Variants in CLSTN1 observed in about 807,000 individuals in gnomAD.
CLSTN1 encodes the protein calsyntenin 1, also known as calsyntenin-1.
CLSTN1 carries 28 observed loss-of-function variants against 108.3 expected under a neutral mutation model. The ratio of observed to expected loss-of-function variants is 0.26; its 90% CI spans 0.19 to 0.35. CLSTN1 has a LOEUF of 0.35. Ranked by LOEUF, CLSTN1 falls within the 10% of genes least tolerant of loss-of-function variation. CLSTN1 has a pLI of 1.00. For missense variants in CLSTN1, 1,157 were observed against 1,302.6 expected (o/e 0.89, Z 1.72); for synonymous variants, 524 against 534.9 (o/e 0.98, Z 0.28).
chr1:9,754,156 G>A (rs889502131), intron 4 of CLSTN1, among the ~76,000 whole-genome samples: 15 of 152,316 alleles, frequency 9.8e-5, no homozygotes, highest in Admixed American at 2.6e-4. Flanking sequence ...AGATAAATAT[G>A]ACAACAAAAT....
At position 9,751,663 on chromosome 1, in the gene CLSTN1, C is replaced by T. The variant is rs1270729014; in HGVS notation, c.459G>A (p.Gln153=). ...GCGCGTACTCATTCACGTCGTTCAC[C>T]TGAATATGAACAGTTGCTCTGGACA... ...KKSHKATVHI[Q]VNDVNEYAPV... The change falls in exon 5 of 19, where the codon CAG becomes CAA. Residue 153 remains glutamine (Q), a synonymous_variant. Coordinates refer to ENST00000377298, the MANE Select transcript of CLSTN1 (RefSeq NM_001009566.3). 6.2e-7 allele frequency: 1 copy of T among 1,613,980 alleles called. No individual in the cohort carries two copies. Among genetic ancestry groups the T allele is most frequent in the African/African-American group, 1.3e-5 (1 of 74,884 alleles).
At chr1:9,732,232 G>A (rs545784026) in intron 16 of CLSTN1, among the ~76,000 whole-genome samples, 1 of 152,168 alleles carries the variant, frequency 6.6e-6, no homozygotes, top group East Asian at 1.9e-4. Context: ...GTGTTGCCCG[G>A]GCTGGAGCGC....
Position 9,730,482 on chromosome 1 carries a change from G to A in CLSTN1, c.*26C>T. 6.3e-7 allele frequency: 1 copy of A among 1,595,146 alleles called. No individual in the cohort carries two copies. Among genetic ancestry groups the A allele is most frequent in the South Asian group, 1.1e-5 (1 of 90,932 alleles). On this transcript the variant is annotated 3_prime_UTR_variant, in exon 19 of 19. Transcript: ENST00000377298. This position sits in a 1 kb window ranked among gnomAD's most constrained non-coding sequence, Gnocchi z 5.6. ...GATGGCAGCAGAGTCTTCGAAAGCA[G>A]AAACCGAGGTGGCCGGGGGCACGGG...
At chr1:9,812,085 C>T (rs571578733) in intron 1 of CLSTN1, among the ~76,000 whole-genome samples, 1 of 152,014 alleles carries the variant, frequency 6.6e-6, no homozygotes, top group East Asian at 1.9e-4. Context: ...TGCAGTGAGC[C>T]GAGATCGCAC....
At chr1:9,814,995 T>A in intron 1 of CLSTN1, among the ~76,000 whole-genome samples, 1 of 152,224 alleles carries the variant, frequency 6.6e-6, no homozygotes, top group East Asian at 1.9e-4. Context: ...TAAGCCCTGC[T>A]CCTGGAACCA....
At chr1:9,798,454 G>C (rs181600195) in intron 1 of CLSTN1, among the ~76,000 whole-genome samples, 14 of 152,282 alleles carry the variant, frequency 9.2e-5, no homozygotes, top group Admixed American at 3.3e-4. Context: ...ATGAAACTCA[G>C]AACATTCAGC....
intron 1 of CLSTN1, among the ~76,000 whole-genome samples, chr1:9,807,208 T>C (rs1570517825): frequency 6.6e-6 from 1 of 152,118 alleles, no homozygotes; most frequent in African/African-American, 2.4e-5. Context: ...CAAGCTTACA[T>C]GACCGAGACC....
chr1:9,781,434 T>TCA (rs1197161625), intron 1 of CLSTN1, among the ~76,000 whole-genome samples: 3 of 152,070 alleles, frequency 2.0e-5, no homozygotes, highest in Admixed American at 6.6e-5. Flanking sequence ...TGTGTTTACA[T>TCA]CACATCTTAT....
At chr1:9,748,156 T>C (rs546862988) in intron 7 of CLSTN1, among the ~76,000 whole-genome samples, 1 of 152,318 alleles carries the variant, frequency 6.6e-6, no homozygotes, top group African/African-American at 2.4e-5. Context: ...CAAAAGCTTT[T>C]TGAAACACAA....
In CLSTN1 at chr1:9,730,809, C is replaced by T; in HGVS notation, c.2749-104G>A. The T allele has an allele frequency of 1.8e-6, 2 of 1,090,372 alleles. No individual in the cohort carries two copies. Among genetic ancestry groups the T allele is most frequent in the Non-Finnish European group, 2.7e-6 (2 of 748,356 alleles). The allele number at this position is 1,090,372 out of a possible 1,614,324, so 67.5% of individuals were successfully genotyped here. On this transcript the variant is annotated intron_variant, in intron 18 of 18. Coordinates refer to ENST00000377298, the MANE Select transcript of CLSTN1 (RefSeq NM_001009566.3). The surrounding 1 kb of genome is among the most constrained non-coding windows in gnomAD (Gnocchi z 5.6). Reference sequence around the variant, plus strand: ...ACAGAGGAAGGAGAACTTGCCCCAGCGTCTCCCTCCCCAGCGACAGAGCAG... The same window carrying T: ...ACAGAGGAAGGAGAACTTGCCCCAGTGTCTCCCTCCCCAGCGACAGAGCAG...
chr1:9,739,220 G>A (rs908867054), intron 10 of CLSTN1, among the ~76,000 whole-genome samples: 3 of 152,124 alleles, frequency 2.0e-5, no homozygotes, highest in African/African-American at 7.2e-5. Flanking sequence ...AGTTAGCAAT[G>A]ACTGCAACTT....
At chr1:9,799,624 G>C (rs930641860) in intron 1 of CLSTN1, among the ~76,000 whole-genome samples, 2 of 148,426 alleles carry the variant, frequency 1.3e-5, no homozygotes, top group Non-Finnish European at 3.0e-5. Flanking sequence ...CTGGGCAACA[G>C]AGCAAGACTC....
At chr1:9,818,139 C>A (rs1257012029) in intron 1 of CLSTN1, among the ~76,000 whole-genome samples, 1 of 151,422 alleles carries the variant, frequency 6.6e-6, no homozygotes, top group Non-Finnish European at 1.5e-5. Context: ...TCCTGAGTAG[C>A]TGGGACTACA....
chr1:9,800,702 C>T (rs1031713431), intron 1 of CLSTN1, among the ~76,000 whole-genome samples: 1 of 150,284 alleles, frequency 6.7e-6, no homozygotes, highest in African/African-American at 2.4e-5. Context: ...TGCACTCCAG[C>T]CTGGGCGACA....
intron 3 of CLSTN1, 78 bp from the exon 4 acceptor site, chr1:9,755,387 AC>A (rs1381353405): frequency 2.5e-6 from 3 of 1,179,946 alleles, no homozygotes; most frequent in Non-Finnish European, 3.6e-6. Flanking sequence ...CCCCATCTCC[AC>A]CCCCAAAGAA....
intron 1 of CLSTN1, among the ~76,000 whole-genome samples, chr1:9,782,136 T>G (rs1037613133): frequency 6.6e-6 from 1 of 152,214 alleles, no homozygotes; most frequent in Non-Finnish European, 1.5e-5. Context: ...AAACAGTTTG[T>G]TGGGCAGCTA....
chr1:9,756,104 T>C (rs1440607349), intron 3 of CLSTN1, among the ~76,000 whole-genome samples: 1 of 152,222 alleles, frequency 6.6e-6, no homozygotes, highest in East Asian at 1.9e-4. Context: ...TTCTTGTCCA[T>C]GGGAGAACAG....
chr1:9,769,449 T>C (rs1465589254), intron 2 of CLSTN1, among the ~76,000 whole-genome samples: 1 of 152,028 alleles, frequency 6.6e-6, no homozygotes. Flanking sequence ...AATGAAATAA[T>C]ATCCAGCAAC....
intron 2 of CLSTN1, among the ~76,000 whole-genome samples, chr1:9,758,372 G>A (rs1651918026): frequency 6.6e-6 from 1 of 150,780 alleles, no homozygotes; most frequent in Admixed American, 6.6e-5. Context: ...GGAGTACAGT[G>A]GTAGCATCTC....
Sources: gnomAD v4.1 joint callset for allele counts (sites outside exome capture counted in the v4.1 genomes callset) on GRCh38, gnomAD v4.1.1 for gene constraint, Gnocchi (gnomAD v3.1) non-coding constraint, MANE v1.5 for transcripts, NCBI Gene and HGNC (gene_info 2026-07-23, HGNC 2026-07-21) for gene names.